Variants in USP48 observed in about 807,000 individuals in gnomAD.
The protein encoded by USP48 is ubiquitin carboxyl-terminal hydrolase 48.
USP48 carries 43 observed loss-of-function variants against 150.7 expected under a neutral mutation model. The ratio of observed to expected loss-of-function variants is 0.29; its 90% confidence interval spans 0.22 to 0.37. USP48 has a LOEUF of 0.37. USP48 is among the 10% of genes least tolerant of loss of function. The pLI is 1.00. For missense variants in USP48, 813 were observed against 1,249.6 expected (o/e 0.65, Z 5.27); for synonymous variants, 396 against 425.9 (o/e 0.93, Z 0.86).
intron 15 of USP48, 194 bp downstream of exon 15, chr1:21,715,195 A>C (rs983242773): frequency 3.6e-5 from 18 of 498,664 alleles, no homozygotes; most frequent in Non-Finnish European, 6.6e-5. Flanking sequence ...AATACTTCAA[A>C]TTCAAAAGCA....
At chr1:21,707,027 T>C in intron 15 of USP48, 159 bp from the exon 16 acceptor site, 1 of 880,828 alleles carries the variant, frequency 1.1e-6, no homozygotes, top group Non-Finnish European at 1.6e-6. Flanking sequence ...TTCAAAAACT[T>C]CTGAATTTCC....
Position 21,679,963 on chromosome 1 carries a change from G to A in USP48, c.3086-524C>T, listed in dbSNP as rs531512749. On this transcript the variant is annotated intron_variant, in intron 26 of 26. Coordinates refer to ENST00000308271, the MANE Select transcript of USP48 (RefSeq NM_032236.8). ...CCCGTCTCAACCTCCAAAAGTGCTGGGATTACAGGCGTGAGCCACCATGCC... is the reference window on the plus strand; with the variant it reads ...CCCGTCTCAACCTCCAAAAGTGCTGAGATTACAGGCGTGAGCCACCATGCC... Among the ~76,000 whole-genome samples the A allele has an allele frequency of 2.8e-4, 43 of 151,768 alleles. 2 individuals carry two copies. The highest frequency in any genetic ancestry group is 1.0e-3 in the African/African-American group (43 of 41,400).
intron 15 of USP48, chr1:21,715,166 T>A (rs1477807528): frequency 3.0e-5 from 14 of 470,878 alleles, no homozygotes; most frequent in Non-Finnish European, 5.0e-5. Flanking sequence ...ATGACAGTCA[T>A]GGGAAACAAC....
At chr1:21,761,983 T>C (rs999516984) in intron 1 of USP48, among the ~76,000 whole-genome samples, 1 of 142,766 alleles carries the variant, frequency 7.0e-6, no homozygotes, top group Non-Finnish European at 1.5e-5. Context: ...GAAACAAAAC[T>C]GGCCGGGTGC....
At chr1:21,713,465 T>A (rs1006533915) in intron 15 of USP48, among the ~76,000 whole-genome samples, 11 of 152,180 alleles carry the variant, frequency 7.2e-5, no homozygotes, top group Admixed American at 7.2e-4. Flanking sequence ...TGAAGCAACA[T>A]TCGGCTTTGC....
intron 8 of USP48, among the ~76,000 whole-genome samples, chr1:21,737,724 T>A (rs570985310): frequency 6.6e-6 from 1 of 152,272 alleles, no homozygotes; most frequent in Non-Finnish European, 1.5e-5. Context: ...ACAAATAATA[T>A]CTTTTCACAT....
intron 9 of USP48, chr1:21,732,925 G>T: frequency 6.5e-6 from 1 of 154,482 alleles, no homozygotes; most frequent in South Asian, 1.9e-4. Flanking sequence ...GATGAAATTT[G>T]TTAGATTTTA....
intron 1 of USP48, among the ~76,000 whole-genome samples, chr1:21,774,897 C>T (rs971156877): frequency 1.3e-5 from 2 of 150,988 alleles, no homozygotes; most frequent in African/African-American, 4.9e-5. Flanking sequence ...AGGCTGAGGC[C>T]CAAGAATCAC....
intron 24 of USP48, among the ~76,000 whole-genome samples, chr1:21,687,467 G>A (rs2097583051): frequency 6.6e-6 from 1 of 152,192 alleles, no homozygotes; most frequent in Non-Finnish European, 1.5e-5. Flanking sequence ...TGTGTGAAGA[G>A]GAAAGGCAGG....
intron 23 of USP48, among the ~76,000 whole-genome samples, chr1:21,690,776 A>G (rs1315942736): frequency 6.6e-6 from 1 of 152,118 alleles, no homozygotes; most frequent in Non-Finnish European, 1.5e-5. Context: ...CAATCCTCCC[A>G]GCTTAGCCTC....
intron 2 of USP48, chr1:21,757,048 C>G: frequency 1.1e-6 from 1 of 941,940 alleles, no homozygotes; most frequent in African/African-American, 1.8e-5. Flanking sequence ...TCTAAACTGC[C>G]AGCATTCAGC....
chr1:21,706,892 G>GAA lies in USP48; in HGVS notation c.1964-26_1964-25dup, dbSNP rs112985732. The GAA allele has an allele frequency of 1.1e-3, 1,380 of 1,287,392 alleles. 5 individuals carry two copies. Among genetic ancestry groups the GAA allele is most frequent in the African/African-American group, 0.011 (681 of 63,722 alleles). 79.7% of individuals were successfully genotyped at this position (1,287,392 alleles called of 1,614,324 possible). On this transcript the variant is annotated intron_variant, in intron 15 of 26. Coordinates refer to ENST00000308271, the MANE Select transcript of USP48 (RefSeq NM_032236.8). Reference sequence around the variant, plus strand: ...ACCTGAGTTTAAAAAAATATATTTGGAAAAAAAAAAAACAGCTGAAAAAAA... The same window carrying GAA: ...ACCTGAGTTTAAAAAAATATATTTGGAAAAAAAAAAAAAACAGCTGAAAAAAA...
At chr1:21,692,370 G>C (rs1474180118) in intron 23 of USP48, among the ~76,000 whole-genome samples, 3 of 152,166 alleles carry the variant, frequency 2.0e-5, no homozygotes, top group Non-Finnish European at 4.4e-5. Flanking sequence ...CCGGAACCAT[G>C]AAGATTGAGC....
At position 21,687,086 on chromosome 1, in the gene USP48, T is replaced by C. The variant is rs2097582270; in HGVS notation, c.3058+105A>G. 5 of 1,061,696 alleles carry C rather than the reference T, an allele frequency of 4.7e-6. No homozygotes were observed. The East Asian group carries it at 1.3e-4, about 27-fold the overall frequency. The allele number at this position is 1,061,696 out of a possible 1,614,324, so 65.8% of individuals were successfully genotyped here. A position where few individuals can be genotyped will look rare whatever the true frequency, so the allele number is the denominator to read the frequency against. ...ACTGTAACAATATGTGGAAGCTTTT[T>C]TCAAGGTTCAAAGTAAAAGCACTGT... On this transcript the variant is annotated intron_variant, in intron 25 of 26. Coordinates refer to ENST00000308271, the MANE Select transcript of USP48 (RefSeq NM_032236.8).
intron 26 of USP48, among the ~76,000 whole-genome samples, chr1:21,680,308 C>T (rs1202002902): frequency 6.6e-6 from 1 of 152,152 alleles, no homozygotes; most frequent in Non-Finnish European, 1.5e-5. Context: ...CTACATGGCC[C>T]AGATGTAGTA....
chr1:21,713,135 C>A, intron 15 of USP48, among the ~76,000 whole-genome samples: 1 of 148,236 alleles, frequency 6.7e-6, no homozygotes, highest in East Asian at 2.1e-4. Context: ...CAAGGTCTTG[C>A]TTGGTCGCCC....
intron 1 of USP48, among the ~76,000 whole-genome samples, chr1:21,770,788 G>C (rs1003493664): frequency 1.8e-4 from 27 of 151,756 alleles, no homozygotes; most frequent in African/African-American, 6.5e-4. Context: ...GGCCAATCAA[G>C]TGTTATTCTT....
chr1:21,764,484 G>A (rs1302096378), intron 1 of USP48, among the ~76,000 whole-genome samples: 1 of 151,088 alleles, frequency 6.6e-6, no homozygotes, highest in African/African-American at 2.4e-5. Flanking sequence ...CGAGGCTGGT[G>A]GATTATGAGG....
At chr1:21,736,706 G>GT in intron 8 of USP48, 81 bp from the exon 9 acceptor site, 6 of 1,189,770 alleles carry the variant, frequency 5.0e-6, no homozygotes, top group Non-Finnish European at 6.7e-6. Flanking sequence ...TAATGATTAC[G>GT]AATCTTTACA....
Sources: allele counts gnomAD v4.1 joint callset (sites outside exome capture counted in the v4.1 genomes callset), GRCh38; gene constraint gnomAD v4.1.1; transcripts MANE v1.5; gene names NCBI Gene and HGNC (gene_info 2026-07-23, HGNC 2026-07-21).